The following GALNTL6 variants were observed in gnomAD, a reference collection of about 807,000 sequenced individuals.
GALNTL6 encodes the protein polypeptide N-acetylgalactosaminyltransferase like 6.
A neutral mutation model predicts 73.7 loss-of-function variants in GALNTL6; 46 were observed. The ratio of observed to expected loss-of-function variants is 0.62; its 90% CI spans 0.49 to 0.80. The LOEUF (loss-of-function observed/expected upper bound fraction) is 0.80. Ranked by LOEUF, GALNTL6 falls within the 30% of genes least tolerant of loss-of-function variation. GALNTL6 has a pLI of 0.00. For missense variants in GALNTL6, 604 were observed against 755.0 expected (o/e 0.80, Z 2.34); for synonymous variants, 259 against 263.7 (o/e 0.98, Z 0.17).
intron 5 of GALNTL6, among the ~76,000 whole-genome samples, chr4:172,759,053 A>G (rs1737916642): frequency 6.6e-6 from 1 of 152,228 alleles, no homozygotes; most frequent in African/African-American, 2.4e-5. Flanking sequence ...TTATTGCAGT[A>G]AAATTAGGTG....
chr4:172,036,201 A>C (rs1295849663), intron 2 of GALNTL6, among the ~76,000 whole-genome samples: 1 of 152,138 alleles, frequency 6.6e-6, no homozygotes, highest in Non-Finnish European at 1.5e-5. Flanking sequence ...AAGCTTATTA[A>C]GTAATTCAGT....
At chr4:172,878,484 G>A (rs1016123931) in intron 7 of GALNTL6, among the ~76,000 whole-genome samples, 16 of 151,804 alleles carry the variant, frequency 1.1e-4, no homozygotes, top group African/African-American at 3.9e-4. Flanking sequence ...AAAGACATAG[G>A]CTGGGGGAAG....
intron 2 of GALNTL6, among the ~76,000 whole-genome samples, chr4:171,880,596 T>C (rs1736419911): frequency 6.6e-6 from 1 of 152,022 alleles, no homozygotes; most frequent in African/African-American, 2.4e-5. Context: ...AGGCACAAAA[T>C]AACAACACTC....
intron 2 of GALNTL6, among the ~76,000 whole-genome samples, chr4:172,018,825 T>G (rs1314617016): frequency 6.6e-6 from 1 of 152,140 alleles, no homozygotes; most frequent in African/African-American, 2.4e-5. Flanking sequence ...TACTTAATTG[T>G]GCTGGCTGCC....
intron 5 of GALNTL6, among the ~76,000 whole-genome samples, chr4:172,630,491 C>T (rs1367588973): frequency 1.3e-5 from 2 of 152,046 alleles, no homozygotes; most frequent in Non-Finnish European, 1.5e-5. Flanking sequence ...GCATCTCTAC[C>T]AATCACATTG....
At chr4:172,086,705 A>C (rs1732043822) in intron 2 of GALNTL6, among the ~76,000 whole-genome samples, 1 of 152,006 alleles carries the variant, frequency 6.6e-6, no homozygotes, top group African/African-American at 2.4e-5. Flanking sequence ...ATATGCATTT[A>C]TTTCTGTCTA....
intron 2 of GALNTL6, among the ~76,000 whole-genome samples, chr4:172,207,754 A>G (rs1560969964): frequency 6.6e-6 from 1 of 152,194 alleles, no homozygotes. Context: ...AACAGTAATT[A>G]CAAATTCTCT....
intron 5 of GALNTL6, among the ~76,000 whole-genome samples, chr4:172,805,098 T>C (rs1322854958): frequency 6.6e-6 from 1 of 152,206 alleles, no homozygotes; most frequent in Non-Finnish European, 1.5e-5. Flanking sequence ...GAGCCAGTCA[T>C]ACACCCTTCA....
intron 3 of GALNTL6, among the ~76,000 whole-genome samples, chr4:172,265,851 A>C (rs1039382901): frequency 1.3e-5 from 2 of 152,060 alleles, no homozygotes; most frequent in Admixed American, 6.6e-5. Flanking sequence ...AGGATATTAG[A>C]GTATATTGGA....
rs1409457466 is a variant in GALNTL6, at chr4:171,813,452, C to T, written c.-708C>T. The T allele has an allele frequency of 1.3e-5, 2 of 152,330 alleles. No homozygotes were observed. Among genetic ancestry groups the T allele is most frequent in the African/African-American group, 4.8e-5 (2 of 41,470 alleles). 9.4% of individuals were successfully genotyped at this position (152,330 alleles called of 1,614,324 possible). ...GGAAGGCAGGCGCCGGGGAGTGGGG[C>T]GCGGGCGACCGTGTGCAGCCGCGGC... On this transcript the variant is annotated 5_prime_UTR_variant, in exon 1 of 13. Transcript: ENST00000506823. This position sits in a 1 kb window ranked among gnomAD's most constrained non-coding sequence, Gnocchi z 5.2.
chr4:172,605,071 C>A (rs891620896), intron 5 of GALNTL6, among the ~76,000 whole-genome samples: 4 of 152,148 alleles, frequency 2.6e-5, no homozygotes, highest in African/African-American at 9.7e-5. Flanking sequence ...ATAGAAGATA[C>A]CACGGACGAA....
intron 5 of GALNTL6, among the ~76,000 whole-genome samples, chr4:172,759,232 G>C (rs7664183): frequency 6.6e-6 from 1 of 152,068 alleles, no homozygotes; most frequent in African/African-American, 2.4e-5. Context: ...CAGGTAATAG[G>C]GGAGATGAAT....
At chr4:172,302,307 T>C (rs1462053685) in intron 3 of GALNTL6, among the ~76,000 whole-genome samples, 2 of 152,126 alleles carry the variant, frequency 1.3e-5, no homozygotes, top group Non-Finnish European at 2.9e-5. Flanking sequence ...CCCTGACCCC[T>C]TGAATTTCCT....
At chr4:172,138,642 G>T (rs1252529257) in intron 2 of GALNTL6, among the ~76,000 whole-genome samples, 1 of 139,700 alleles carries the variant, frequency 7.2e-6, no homozygotes, top group Non-Finnish European at 1.5e-5. Context: ...CCATTCTCCT[G>T]CCTCAGCCTC....
At chr4:172,890,300 G>A (rs1745962563) in intron 8 of GALNTL6, among the ~76,000 whole-genome samples, 2 of 151,832 alleles carry the variant, frequency 1.3e-5, no homozygotes, top group Admixed American at 1.3e-4. Context: ...CTAATTTTGG[G>A]GTTGGAGTGT....
intron 2 of GALNTL6, among the ~76,000 whole-genome samples, chr4:172,116,882 A>C (rs796365153): frequency 7.2e-5 from 11 of 152,276 alleles, no homozygotes; most frequent in African/African-American, 2.6e-4. Context: ...TGCTGAAATA[A>C]TTTAAAAATA....
chr4:172,859,623 G>T (rs112130089), intron 7 of GALNTL6, among the ~76,000 whole-genome samples: 1 of 152,134 alleles, frequency 6.6e-6, no homozygotes, highest in African/African-American at 2.4e-5. Context: ...GGATAGACAG[G>T]TTTGAGAAAA....
chr4:172,497,266 A>G (rs6827978), intron 5 of GALNTL6, among the ~76,000 whole-genome samples: 29,846 of 152,190 alleles, frequency 0.2, 3,198 homozygotes, highest in African/African-American at 0.26. Flanking sequence ...ATGAATAGTA[A>G]TGGTTCGATT....
intron 7 of GALNTL6, among the ~76,000 whole-genome samples, chr4:172,820,375 A>AAATTT (rs1655327613): frequency 6.6e-6 from 1 of 152,214 alleles, no homozygotes. Context: ...GGTTAGGGTT[A>AAATTT]CCTTAACCTA....
Sources: allele counts gnomAD v4.1 joint callset (sites outside exome capture counted in the v4.1 genomes callset), GRCh38; gene constraint gnomAD v4.1.1; non-coding constraint Gnocchi (gnomAD v3.1); transcripts MANE v1.5; gene names NCBI Gene and HGNC (gene_info 2026-07-23, HGNC 2026-07-21).